The following DGKG variants were observed in gnomAD, a reference collection of about 807,000 sequenced individuals.
The protein encoded by DGKG is DAG kinase gamma.
A neutral mutation model predicts 105.3 loss-of-function variants in DGKG; 78 were observed. The observed-to-expected ratio is 0.74, with a 90% CI of 0.62 to 0.89. The LOEUF is 0.89. Among genes scored for constraint, DGKG ranks in the 40% least tolerant of loss-of-function variants. The pLI is 0.00. For synonymous variants in DGKG, 346 were observed against 367.1 expected (o/e 0.94, Z 0.66); for missense variants, 958 against 1,020.1 (o/e 0.94, Z 0.83).
intron 20 of DGKG, among the ~76,000 whole-genome samples, chr3:186,241,483 G>A (rs1425493105): frequency 2.6e-5 from 4 of 152,060 alleles, no homozygotes; most frequent in Non-Finnish European, 4.4e-5. Flanking sequence ...AACCTGGGAG[G>A]AGGAGGTTGC....
At chr3:186,327,359 C>A (rs1370191664) in intron 1 of DGKG, among the ~76,000 whole-genome samples, 1 of 150,638 alleles carries the variant, frequency 6.6e-6, no homozygotes, top group African/African-American at 2.5e-5. Context: ...TTCTCCTCCT[C>A]CTCCTCCTCC....
chr3:186,242,838 A>G (rs1363726822), intron 19 of DGKG, among the ~76,000 whole-genome samples: 4 of 152,160 alleles, frequency 2.6e-5, no homozygotes, highest in African/African-American at 9.7e-5. Flanking sequence ...CGCTGAGAAC[A>G]GATAGATAGT....
At chr3:186,237,990 T>A (rs746574115) in intron 20 of DGKG, among the ~76,000 whole-genome samples, 3 of 152,150 alleles carry the variant, frequency 2.0e-5, no homozygotes, top group Non-Finnish European at 4.4e-5. Flanking sequence ...ACACTATTGC[T>A]ACACCTAAAA....
chr3:186,153,603 T>C (rs1359636895), intron 24 of DGKG, among the ~76,000 whole-genome samples: 2 of 152,180 alleles, frequency 1.3e-5, no homozygotes, highest in Non-Finnish European at 2.9e-5. Flanking sequence ...CCCTTTAAAA[T>C]AGAATAAAAA....
At chr3:186,297,564 G>A (rs1723645090) in intron 4 of DGKG, 81 bp from the exon 5 acceptor site, 8 of 985,938 alleles carry the variant, frequency 8.1e-6, no homozygotes, top group Non-Finnish European at 1.3e-5. Flanking sequence ...ATCCCCATGG[G>A]ACCTGGTTTG....
At chr3:186,322,028 C>T (rs1443178997) in intron 1 of DGKG, among the ~76,000 whole-genome samples, 1 of 152,190 alleles carries the variant, frequency 6.6e-6, no homozygotes, top group Non-Finnish European at 1.5e-5. Flanking sequence ...TTGTTTCTCT[C>T]TCTGCAATCT....
At chr3:186,152,391 C>G (rs1049949814) in intron 24 of DGKG, among the ~76,000 whole-genome samples, 1 of 151,800 alleles carries the variant, frequency 6.6e-6, no homozygotes, top group Non-Finnish European at 1.5e-5. Flanking sequence ...CTGTGGCATG[C>G]AATGTAGCAT....
intron 11 of DGKG, among the ~76,000 whole-genome samples, chr3:186,270,064 CA>C (rs754765827): frequency 1.2e-4 from 18 of 152,214 alleles, no homozygotes; most frequent in Middle Eastern, 6.3e-3. Flanking sequence ...TGCCTAGCCA[CA>C]AGCACGGTAT....
At chr3:186,156,716 C>T (rs1716052802) in intron 24 of DGKG, among the ~76,000 whole-genome samples, 1 of 151,464 alleles carries the variant, frequency 6.6e-6, no homozygotes, top group African/African-American at 2.4e-5. Flanking sequence ...GCATTTTACA[C>T]AGTTCAGTTT....
At chr3:186,338,602 C>T (rs1025057193) in intron 1 of DGKG, among the ~76,000 whole-genome samples, 8 of 152,078 alleles carry the variant, frequency 5.3e-5, no homozygotes, top group African/African-American at 1.9e-4. Context: ...TGGTTACTTC[C>T]AAGAAATACA....
chr3:186,339,635 C>A (rs1436011670), intron 1 of DGKG, among the ~76,000 whole-genome samples: 1 of 152,110 alleles, frequency 6.6e-6, no homozygotes, highest in Admixed American at 6.5e-5. Flanking sequence ...AATAATGAGC[C>A]CAGCTTACTG....
intron 24 of DGKG, chr3:186,158,269 T>G (rs1326052627): frequency 2.6e-6 from 2 of 774,892 alleles, no homozygotes; most frequent in African/African-American, 3.8e-5. Context: ...ACATTTTACT[T>G]CTTTTTTATA....
In DGKG at chr3:186,290,089, G is replaced by A. The variant is rs555465659; in HGVS notation, c.374-1209C>T. On this transcript the variant is annotated intron_variant, in intron 5 of 24. Coordinates refer to ENST00000265022, the MANE Select transcript of DGKG (RefSeq NM_001346.3). ...AACCAAGATGGAGCCTAGGAAACGT[G>A]GCTGCAAAGTAAGGAAAGAAAGCTT... Among the ~76,000 whole-genome samples, 8 of 152,268 alleles carry A rather than the reference G, an allele frequency of 5.3e-5. No individual in the cohort carries two copies. In the South Asian group the frequency reaches 1.0e-3, roughly 20 times the overall value.
chr3:186,270,711 G>T (rs1402927388), intron 11 of DGKG, among the ~76,000 whole-genome samples: 1 of 152,234 alleles, frequency 6.6e-6, no homozygotes, highest in African/African-American at 2.4e-5. Flanking sequence ...TCCAAGGCTG[G>T]TAAGCGGCCA....
intron 20 of DGKG, among the ~76,000 whole-genome samples, chr3:186,217,930 T>C (rs1719374932): frequency 6.6e-6 from 1 of 152,202 alleles, no homozygotes; most frequent in Admixed American, 6.5e-5. Flanking sequence ...GTATTCCTCT[T>C]TGTGGTTTGG....
chr3:186,184,195 T>A (rs967193003), intron 22 of DGKG, among the ~76,000 whole-genome samples: 4 of 152,096 alleles, frequency 2.6e-5, no homozygotes, highest in Non-Finnish European at 5.9e-5. Context: ...TAATAAGCCA[T>A]GTATTATTAT....
At chr3:186,238,261 A>C (rs1720511249) in intron 20 of DGKG, among the ~76,000 whole-genome samples, 1 of 136,330 alleles carries the variant, frequency 7.3e-6, no homozygotes, top group Non-Finnish European at 1.5e-5. Flanking sequence ...ACACCACTGC[A>C]CTCCAGGCCA....
chr3:186,217,422 T>C (rs1389324325), intron 20 of DGKG, among the ~76,000 whole-genome samples: 6 of 152,178 alleles, frequency 3.9e-5, no homozygotes, highest in Admixed American at 3.9e-4. Flanking sequence ...CAGAAGATCC[T>C]CCTGTGTGCT....
At chr3:186,329,362 C>T (rs1321175466) in intron 1 of DGKG, among the ~76,000 whole-genome samples, 5 of 152,024 alleles carry the variant, frequency 3.3e-5, no homozygotes, top group African/African-American at 7.3e-5. Context: ...TTGTTCTGTA[C>T]GGATGTCAGC....
Sources: gnomAD v4.1 joint callset for allele counts (sites outside exome capture counted in the v4.1 genomes callset) on GRCh38, gnomAD v4.1.1 for gene constraint, MANE v1.5 for transcripts, NCBI Gene and HGNC (gene_info 2026-07-23, HGNC 2026-07-21) for gene names.